DLG2: variants seen among roughly 807,000 people sequenced by gnomAD.
The protein encoded by DLG2 is discs large MAGUK scaffold protein 2, also known as disks large homolog 2.
A neutral mutation model predicts 132.5 loss-of-function variants in DLG2; 45 were observed. That is an observed-to-expected ratio of 0.34 (90% CI 0.27 to 0.44). The LOEUF is 0.44. Ranked by LOEUF, DLG2 falls within the 20% of genes least tolerant of loss-of-function variation. The pLI is 1.00. For missense variants in DLG2, 1,045 were observed against 1,196.9 expected, an observed-to-expected ratio of 0.87 and a Z score of 1.87; for synonymous variants, 424 against 419.6, an observed-to-expected ratio of 1.01 and a Z score of -0.13.
At chr11:84,046,780 T>G (rs1259592410) in intron 11 of DLG2, among the ~76,000 whole-genome samples, 11 of 151,626 alleles carry the variant, frequency 7.3e-5, no homozygotes, top group Non-Finnish European at 1.5e-5. Flanking sequence ...TAAAAATGCA[T>G]AAGCTGGTGT....
chr11:84,015,812 T>A (rs1021528404), intron 11 of DLG2, among the ~76,000 whole-genome samples: 3 of 152,194 alleles, frequency 2.0e-5, no homozygotes, highest in African/African-American at 7.2e-5. Context: ...TGATTCCATG[T>A]CTTTGCTATT....
chr11:85,095,043 G>C (rs1165772021), intron 6 of DLG2, among the ~76,000 whole-genome samples: 1 of 152,188 alleles, frequency 6.6e-6, no homozygotes, highest in East Asian at 1.9e-4. Context: ...GAGATACAGA[G>C]ACAGGGGAAT....
chr11:83,579,694 G>T (rs1422465093), intron 19 of DLG2, among the ~76,000 whole-genome samples: 1 of 152,102 alleles, frequency 6.6e-6, no homozygotes, highest in Non-Finnish European at 1.5e-5. Context: ...ATTTGGGCCA[G>T]GTGTGGTGGC....
chr11:84,177,961 T>A (rs2154277017), intron 8 of DLG2, among the ~76,000 whole-genome samples: 1 of 151,768 alleles, frequency 6.6e-6, no homozygotes, highest in South Asian at 2.1e-4. Flanking sequence ...TTCTGGACTT[T>A]GAAAACTGAC....
chr11:83,505,512 T>C (rs1278450493), intron 21 of DLG2, among the ~76,000 whole-genome samples: 2 of 152,232 alleles, frequency 1.3e-5, no homozygotes, highest in Admixed American at 6.5e-5. Flanking sequence ...AGGTCACCCA[T>C]TGGTGAGGAC....
chr11:84,394,402 C>T (rs529464381), intron 7 of DLG2, among the ~76,000 whole-genome samples: 2 of 151,250 alleles, frequency 1.3e-5, no homozygotes, highest in Non-Finnish European at 2.9e-5. Context: ...AAAGTTATAG[C>T]ATGACAGTTA....
intron 6 of DLG2, among the ~76,000 whole-genome samples, chr11:84,638,199 A>G (rs544518833): frequency 6.6e-6 from 1 of 152,380 alleles, no homozygotes; most frequent in South Asian, 2.1e-4. Flanking sequence ...GACAGAATAT[A>G]AGGAAGAACA....
At chr11:83,801,447 C>T (rs1376696568) in intron 17 of DLG2, among the ~76,000 whole-genome samples, 3 of 152,162 alleles carry the variant, frequency 2.0e-5, no homozygotes, top group Non-Finnish European at 4.4e-5. Context: ...CGGGCTCTGC[C>T]TATCCCTCTT....
At chr11:84,218,816 C>A (rs2096874845) in intron 8 of DLG2, among the ~76,000 whole-genome samples, 1 of 152,092 alleles carries the variant, frequency 6.6e-6, no homozygotes, top group South Asian at 2.1e-4. Context: ...TGAGTAGAGG[C>A]CAGGGAAGCT....
At position 84,589,417 on chromosome 11, in the gene DLG2, A is replaced by G. The variant is rs1223497908; in HGVS notation, c.358-54686T>C. 2.0e-5 allele frequency among the ~76,000 whole-genome samples: 3 copies of G among 152,160 alleles called. No individual in the cohort carries two copies. In the East Asian group the frequency reaches 5.8e-4, roughly 29 times the overall value. On this transcript the variant is annotated intron_variant, in intron 6 of 27. Coordinates refer to ENST00000376104, the MANE Select transcript of DLG2 (RefSeq NM_001142699.3). ...CCATGAAAATCAGTGTAAGGTATTG[A>G]TCAGTCAGTCACTCTAGAAGCTCAA...
chr11:84,474,305 T>C (rs1472497598), intron 7 of DLG2, among the ~76,000 whole-genome samples: 1 of 152,050 alleles, frequency 6.6e-6, no homozygotes, highest in East Asian at 1.9e-4. Context: ...AAAGATTAAT[T>C]TTCATTAAAT....
intron 15 of DLG2, among the ~76,000 whole-genome samples, chr11:83,913,063 A>G (rs1175659994): frequency 6.6e-6 from 1 of 152,102 alleles, no homozygotes; most frequent in Non-Finnish European, 1.5e-5. Flanking sequence ...TCTCAGTGTC[A>G]ATCTGTGTGT....
chr11:83,715,010 C>G (rs1400749198), intron 18 of DLG2, among the ~76,000 whole-genome samples: 4 of 152,120 alleles, frequency 2.6e-5, no homozygotes, highest in African/African-American at 9.7e-5. Flanking sequence ...TGGGACCAAC[C>G]CAAATCCAGT....
At chr11:84,871,291 A>G (rs1238714322) in intron 6 of DLG2, among the ~76,000 whole-genome samples, 6 of 152,206 alleles carry the variant, frequency 3.9e-5, no homozygotes, top group Admixed American at 2.0e-4. Flanking sequence ...AAGAACCACA[A>G]GTGATTCTGA....
At chr11:84,109,538 A>G (rs555708783) in intron 9 of DLG2, among the ~76,000 whole-genome samples, 26 of 152,340 alleles carry the variant, frequency 1.7e-4, no homozygotes, top group African/African-American at 5.8e-4. Context: ...CTGATTTAAG[A>G]TGTTGTCAGT....
At chr11:85,224,430 C>T (rs957783425) in intron 4 of DLG2, among the ~76,000 whole-genome samples, 3 of 152,090 alleles carry the variant, frequency 2.0e-5, no homozygotes, top group Non-Finnish European at 4.4e-5. Flanking sequence ...CTTATCTCTG[C>T]CATTGAGGTG....
Position 84,940,099 on chromosome 11 carries a change from T to G in DLG2, c.357+171562A>C, listed in dbSNP as rs1257286248. Among the ~76,000 whole-genome samples, 7 of 152,192 alleles carry G rather than the reference T, an allele frequency of 4.6e-5. No homozygotes were observed. The South Asian group carries it at 6.2e-4, about 14-fold the overall frequency. On this transcript the variant is annotated intron_variant, in intron 6 of 27. Transcript: ENST00000376104. ...CTTGCCAGCATTCATTATTGCCTAGTTTTTGGATAAAAGCCATTTTTACTG... is the reference window on the plus strand; with the variant it reads ...CTTGCCAGCATTCATTATTGCCTAGGTTTTGGATAAAAGCCATTTTTACTG...
chr11:84,717,113 T>A (rs952796011), intron 6 of DLG2, among the ~76,000 whole-genome samples: 4 of 152,066 alleles, frequency 2.6e-5, no homozygotes, highest in Non-Finnish European at 5.9e-5. Flanking sequence ...CATTCTGAGA[T>A]AATTAGAGCA....
chr11:85,131,865 A>G (rs2075739691), intron 5 of DLG2, among the ~76,000 whole-genome samples: 1 of 152,170 alleles, frequency 6.6e-6, no homozygotes, highest in African/African-American at 2.4e-5. Flanking sequence ...CTAAGCTATT[A>G]ATTTTGTTAT....
Sources: gnomAD v4.1 joint callset for allele counts (sites outside exome capture counted in the v4.1 genomes callset) on GRCh38, gnomAD v4.1.1 for gene constraint, MANE v1.5 for transcripts, NCBI Gene and HGNC (gene_info 2026-07-23, HGNC 2026-07-21) for gene names.